Variants in UCK2 observed in about 807,000 individuals in gnomAD.
UCK2 encodes the protein cytidine monophosphokinase 2.
A neutral mutation model predicts 30.8 loss-of-function variants in UCK2; 6 were observed. The ratio of observed to expected loss-of-function variants is 0.19; its 90% CI spans 0.11 to 0.38. The LOEUF (loss-of-function observed/expected upper bound fraction) is 0.38. UCK2 is among the 10% of genes least tolerant of loss of function. The probability of loss-of-function intolerance (pLI) is 1.00; values close to 1 mark genes in which losing one functional copy is unlikely to be tolerated. For missense variants in UCK2, 210 were observed against 339.8 expected (o/e 0.62, Z 3.00); for synonymous variants, 125 against 133.6 (o/e 0.94, Z 0.45).
At chr1:165,861,488 C>T (rs533501423) in intron 1 of UCK2, among the ~76,000 whole-genome samples, 130 of 150,518 alleles carry the variant, frequency 8.6e-4, no homozygotes, top group African/African-American at 2.6e-3. Flanking sequence ...ATTAGCCGGG[C>T]GTAGTGGCGG....
At chr1:165,872,156 A>T (rs1263009925) in intron 1 of UCK2, among the ~76,000 whole-genome samples, 1 of 152,012 alleles carries the variant, frequency 6.6e-6, no homozygotes, top group African/African-American at 2.4e-5. Context: ...CTCACTGCAA[A>T]CACCACCTTC....
At chr1:165,891,392 C>G in intron 3 of UCK2, 70 bp downstream of exon 3, 2 of 1,418,650 alleles carry the variant, frequency 1.4e-6, no homozygotes, top group South Asian at 2.3e-5. Flanking sequence ...TGCACTGAGA[C>G]CTCCTTCCTT....
intron 1 of UCK2, among the ~76,000 whole-genome samples, chr1:165,869,074 G>A (rs1571281785): frequency 6.6e-6 from 1 of 152,144 alleles, no homozygotes; most frequent in East Asian, 1.9e-4. Context: ...ACAGTGGAAT[G>A]CCCCAGTCAG....
At chr1:165,859,926 C>G (rs1190655069) in intron 1 of UCK2, among the ~76,000 whole-genome samples, 1 of 152,218 alleles carries the variant, frequency 6.6e-6, no homozygotes, top group African/African-American at 2.4e-5. Flanking sequence ...CTTTGCCCAT[C>G]ACAGCAGGCC....
At chr1:165,844,637 T>G (rs1571267728) in intron 1 of UCK2, among the ~76,000 whole-genome samples, 1 of 152,124 alleles carries the variant, frequency 6.6e-6, no homozygotes, top group African/African-American at 2.4e-5. Flanking sequence ...GTGATTACGG[T>G]GTTAGAACTT....
intron 1 of UCK2, among the ~76,000 whole-genome samples, chr1:165,868,647 A>G (rs1336111353): frequency 6.6e-6 from 1 of 152,176 alleles, no homozygotes; most frequent in African/African-American, 2.4e-5. Context: ...CTCAGCCTTC[A>G]TAGGATTGAA....
chr1:165,905,227 A>C (rs1332561527), intron 5 of UCK2, among the ~76,000 whole-genome samples: 4 of 152,222 alleles, frequency 2.6e-5, no homozygotes, highest in African/African-American at 9.6e-5. Flanking sequence ...TCACGCCTGT[A>C]ATCCTGGGAC....
At chr1:165,856,129 A>G (rs1339023889) in intron 1 of UCK2, among the ~76,000 whole-genome samples, 1 of 152,208 alleles carries the variant, frequency 6.6e-6, no homozygotes, top group Non-Finnish European at 1.5e-5. Context: ...GTATATATAA[A>G]AAACATTTAT....
intron 1 of UCK2, among the ~76,000 whole-genome samples, chr1:165,868,818 T>C (rs1043625046): frequency 6.6e-6 from 1 of 152,262 alleles, no homozygotes; most frequent in Non-Finnish European, 1.5e-5. Flanking sequence ...ATTGCCGTCA[T>C]GAACTTTTCC....
intron 1 of UCK2, among the ~76,000 whole-genome samples, chr1:165,848,018 G>A (rs989345082): frequency 3.3e-5 from 5 of 151,884 alleles, no homozygotes; most frequent in Admixed American, 6.6e-5. Context: ...TAGGTTTTAA[G>A]TGACACCTCC....
chr1:165,892,861 G>T (rs1486576968), intron 3 of UCK2: 1 of 152,584 alleles, frequency 6.6e-6, no homozygotes. Context: ...GCTGGGTAGG[G>T]AAGCATTTCA....
At position 165,891,319 on chromosome 1, in the gene UCK2, C is replaced by G; in HGVS notation, c.353C>G (p.Ser118Cys). The G allele has an allele frequency of 6.2e-7, 1 of 1,614,078 alleles. No individual in the cohort carries two copies. The highest frequency in any genetic ancestry group is 1.3e-5 in the African/African-American group (1 of 75,062). The change falls in exon 3 of 7, where the codon TCC (serine) becomes TGC (cysteine). Residue 118 changes from serine to cysteine, a missense_variant. This residue lies in a region of UCK2 where 75 missense variants were observed against 124.7 expected (regional missense o/e 0.60). Transcript: ENST00000367879. The part of the protein sequence containing the change: ...QIPVYDFVSH[S>C]RKEETVTVYP... ...CCCGTGTATGACTTTGTCTCCCATT[C>G]CCGGTAAGTGAGCTGTTCTGGGCCA...
rs754349905 is a variant in UCK2, at chr1:165,907,777, C to G, written c.740C>G (p.Pro247Arg). ...QTNGCLNGYT[P>R]SRKRQASESS... Reference sequence around the variant, plus strand: ...AATGGCTGTCTCAACGGCTACACCCCTTCACGCAAGAGGCAGGCATCGGAG... The same window carrying G: ...AATGGCTGTCTCAACGGCTACACCCGTTCACGCAAGAGGCAGGCATCGGAG... Residue 247 changes from proline (P) to arginine (R), a missense_variant, in exon 7 of 7, where the codon CCT (proline) becomes CGT (arginine). This residue lies in a region of UCK2 where 38 missense variants were observed against 45.4 expected (regional missense o/e 0.84). Transcript: ENST00000367879. The G allele has an allele frequency of 6.2e-7, 1 of 1,614,092 alleles. No individual in the cohort carries two copies. The highest frequency in any genetic ancestry group is 8.5e-7 in the Non-Finnish European group (1 of 1,180,062).
At chr1:165,881,507 T>C (rs1387265436) in intron 1 of UCK2, among the ~76,000 whole-genome samples, 1 of 152,224 alleles carries the variant, frequency 6.6e-6, no homozygotes, top group African/African-American at 2.4e-5. Context: ...CCATCTGACT[T>C]TGAAGACAGG....
At chr1:165,866,640 AC>A (rs1350534613) in intron 1 of UCK2, among the ~76,000 whole-genome samples, 1 of 152,166 alleles carries the variant, frequency 6.6e-6, no homozygotes, top group Non-Finnish European at 1.5e-5. Context: ...ATCTTCTCTA[AC>A]TTAAACTCTG....
intron 1 of UCK2, among the ~76,000 whole-genome samples, chr1:165,844,751 G>A (rs1434844845): frequency 6.6e-6 from 1 of 152,140 alleles, no homozygotes. Flanking sequence ...CGTATGTAAC[G>A]AAGTTTTCAT....
intron 4 of UCK2, among the ~76,000 whole-genome samples, chr1:165,898,489 A>G (rs1473717762): frequency 6.6e-6 from 1 of 152,134 alleles, no homozygotes; most frequent in Non-Finnish European, 1.5e-5. Context: ...TAGATCCTCC[A>G]AGGGGATCTG....
intron 5 of UCK2, chr1:165,904,010 G>T (rs1035298940): frequency 2.6e-5 from 4 of 152,170 alleles, no homozygotes; most frequent in Admixed American, 2.6e-4. Flanking sequence ...GAGTCAATGA[G>T]TCTTCTCCAG....
At chr1:165,888,567 T>C (rs1655680340) in intron 1 of UCK2, among the ~76,000 whole-genome samples, 1 of 151,938 alleles carries the variant, frequency 6.6e-6, no homozygotes, top group African/African-American at 2.4e-5. Context: ...GGATTATAGG[T>C]GTGAGCTACC....
Sources: gnomAD v4.1 joint callset for allele counts (sites outside exome capture counted in the v4.1 genomes callset) on GRCh38, gnomAD v4.1.1 for gene constraint, gnomAD v4.1.1 regional missense constraint, MANE v1.5 for transcripts, NCBI Gene and HGNC (gene_info 2026-07-23, HGNC 2026-07-21) for gene names.